The following PDE4D variants were observed in gnomAD, a reference collection of about 807,000 sequenced individuals.
PDE4D encodes phosphodiesterase 4D.
PDE4D carries 24 observed loss-of-function variants against 87.4 expected under a neutral mutation model. The ratio of observed to expected loss-of-function variants is 0.27; its 90% CI spans 0.20 to 0.39. The LOEUF (loss-of-function observed/expected upper bound fraction) is 0.39, where lower values mean the gene tolerates loss of function less well. PDE4D is among the 10% of genes least tolerant of loss of function. The probability of loss-of-function intolerance (pLI) is 1.00; values close to 1 mark genes in which losing one functional copy is unlikely to be tolerated. For missense variants in PDE4D, 714 were observed against 1,041.0 expected (o/e 0.69, Z 4.32); for synonymous variants, 384 against 383.2 (o/e 1.00, Z -0.02).
At chr5:60,118,728 C>T (rs1438257313) in intron 2 of PDE4D, among the ~76,000 whole-genome samples, 1 of 152,004 alleles carries the variant, frequency 6.6e-6, no homozygotes, top group East Asian at 1.9e-4. Context: ...ACATCAATTC[C>T]ACAGCCACTA....
At position 59,185,170 on chromosome 5, in the gene PDE4D, G is replaced by C. The variant is rs535410663; in HGVS notation, c.758+19C>G. Reference sequence around the variant, plus strand: ...TTAAAAGTTCAGCAAAAAAGAGGGGGGAAAAAAGGATATCTTACTTGCTAG... The same window carrying C: ...TTAAAAGTTCAGCAAAAAAGAGGGGCGAAAAAAGGATATCTTACTTGCTAG... On this transcript the variant is annotated intron_variant, in intron 4 of 14. Transcript: ENST00000340635. 1.3e-6 allele frequency: 2 copies of C among 1,593,228 alleles called. No individual in the cohort carries two copies. The highest frequency in any genetic ancestry group is 1.7e-5 in the Admixed American group (1 of 58,744).
chr5:60,029,906 A>T (rs1353667894), intron 2 of PDE4D, among the ~76,000 whole-genome samples: 1 of 152,136 alleles, frequency 6.6e-6, no homozygotes, highest in Non-Finnish European at 1.5e-5. Flanking sequence ...CCCCATCCTC[A>T]GAGACGGGGG....
intron 1 of PDE4D, among the ~76,000 whole-genome samples, chr5:59,861,067 C>T (rs112697505): frequency 1.2e-4 from 17 of 146,400 alleles, no homozygotes; most frequent in African/African-American, 3.5e-4. Flanking sequence ...GATGGAGTTT[C>T]GCCATGTTGG....
At chr5:59,308,167 CACA>C (rs961017910) in intron 1 of PDE4D, among the ~76,000 whole-genome samples, 1 of 143,836 alleles carries the variant, frequency 7.0e-6, no homozygotes, top group African/African-American at 2.6e-5. Flanking sequence ...ACAATGAGAA[CACA>C]TGGACACAGG....
intron 2 of PDE4D, among the ~76,000 whole-genome samples, chr5:60,022,997 CATTAAT>C (rs1284134594): frequency 6.6e-6 from 1 of 152,160 alleles, no homozygotes; most frequent in African/African-American, 2.4e-5. Flanking sequence ...CAGCTCGGGA[CATTAAT>C]GCTCCATTGA....
rs1746576895 is a variant in PDE4D at position 59,668,827 on chromosome 5, A to AGAAGAAGAAGAAGAAGAAGAAGAAGAG, written c.455+224340_455+224341insCTCTTCTTCTTCTTCTTCTTCTTCTTC. Among the ~76,000 whole-genome samples the AGAAGAAGAAGAAGAAGAAGAAGAAGAG allele has an allele frequency of 3.9e-5, 3 of 76,900 alleles. 1 individual carries two copies. The highest frequency in any genetic ancestry group is 1.8e-4 in the African/African-American group (3 of 17,052). The allele number at this position is 76,900 out of a possible 152,430, so 50.4% of individuals were successfully genotyped here. A position where few individuals can be genotyped will look rare whatever the true frequency, so the allele number is the denominator to read the frequency against. On this transcript the variant is annotated intron_variant, in intron 1 of 14. Coordinates refer to ENST00000340635, the MANE Select transcript of PDE4D (RefSeq NM_001104631.2). ...AGAAAGAAGAAGAAGAAGAAGAAGAAGAAGAGGAAGAGGAAGAGGAAGAAG... is the reference window on the plus strand; with the variant it reads ...AGAAAGAAGAAGAAGAAGAAGAAGAAGAAGAAGAAGAAGAAGAAGAAGAAGAGGAAGAGGAAGAGGAAGAGGAAGAAG...
At position 59,592,263 on chromosome 5, in the gene PDE4D, GC is replaced by G. The variant is rs1231016714; in HGVS notation, c.455+300904del. 2.5e-5 allele frequency: 10 copies of G among 396,106 alleles called. No individual in the cohort carries two copies. In the South Asian group the frequency reaches 4.2e-4, roughly 17 times the overall value. 24.5% of individuals were successfully genotyped at this position (396,106 alleles called of 1,614,324 possible). A position where few individuals can be genotyped will look rare whatever the true frequency, so the allele number is the denominator to read the frequency against. On this transcript the variant is annotated intron_variant, in intron 1 of 14. Coordinates refer to ENST00000340635, the MANE Select transcript of PDE4D (RefSeq NM_001104631.2). Reference sequence around the variant, plus strand: ...TGATAGTCATGACTTTCCACTCCTGGCAAGTTCTAGCAAAGTCTGAAGGCAT... The same window carrying G: ...TGATAGTCATGACTTTCCACTCCTGGAAGTTCTAGCAAAGTCTGAAGGCAT...
intron 1 of PDE4D, among the ~76,000 whole-genome samples, chr5:60,251,871 C>G (rs1394038152): frequency 6.6e-6 from 1 of 151,942 alleles, no homozygotes; most frequent in African/African-American, 2.4e-5. Context: ...CACTCACTCA[C>G]TCAGAGCAGC....
At chr5:59,528,603 GTCTC>G (rs1196375533) in intron 1 of PDE4D, among the ~76,000 whole-genome samples, 2 of 151,914 alleles carry the variant, frequency 1.3e-5, no homozygotes, top group East Asian at 3.9e-4. Flanking sequence ...AAAAAAAAAA[GTCTC>G]TATGATGTTC....
At chr5:59,553,596 T>C (rs1818453590) in intron 1 of PDE4D, among the ~76,000 whole-genome samples, 1 of 152,184 alleles carries the variant, frequency 6.6e-6, no homozygotes, top group Non-Finnish European at 1.5e-5. Context: ...TGTCTCTAGA[T>C]ATAGGGAGTT....
At chr5:60,474,508 T>C (rs1748156727) in intron 1 of PDE4D, among the ~76,000 whole-genome samples, 1 of 152,086 alleles carries the variant, frequency 6.6e-6, no homozygotes, top group South Asian at 2.1e-4. Flanking sequence ...GAAATTTCAT[T>C]GATGTGTCCT....
At chr5:60,076,674 A>G (rs1164046876) in intron 2 of PDE4D, among the ~76,000 whole-genome samples, 1 of 33,984 alleles carries the variant, frequency 2.9e-5, no homozygotes, top group Non-Finnish European at 5.2e-5. Flanking sequence ...CTGGCTCCTC[A>G]AGGTTAGGAA....
intron 1 of PDE4D, among the ~76,000 whole-genome samples, chr5:59,388,002 T>C (rs1175612265): frequency 2.6e-5 from 4 of 152,100 alleles, no homozygotes; most frequent in Non-Finnish European, 5.9e-5. Flanking sequence ...TTCTATGAGT[T>C]TGACATTTTT....
rs181318753 is a variant in PDE4D at position 59,836,427 on chromosome 5, G to A, written c.455+56741C>T. On this transcript the variant is annotated intron_variant, in intron 1 of 14. Transcript: ENST00000340635. ...CTTGGTGCTAAGAAATAAATACAAAGAGATATCAAAAATAATCTCTTCTAC... is the reference window on the plus strand; with the variant it reads ...CTTGGTGCTAAGAAATAAATACAAAAAGATATCAAAAATAATCTCTTCTAC... Among the ~76,000 whole-genome samples the A allele has an allele frequency of 3.9e-4, 59 of 152,092 alleles. 1 individual carries two copies. Among genetic ancestry groups the A allele is most frequent in the South Asian group, 8.3e-4 (4 of 4,826 alleles).
intron 1 of PDE4D, among the ~76,000 whole-genome samples, chr5:59,516,629 A>G (rs559352288): frequency 6.6e-6 from 1 of 152,276 alleles, no homozygotes; most frequent in South Asian, 2.1e-4. Flanking sequence ...GTTGTGATCA[A>G]GAGAAATTGC....
At chr5:60,124,288 A>G (rs1463414521) in intron 2 of PDE4D, among the ~76,000 whole-genome samples, 1 of 152,126 alleles carries the variant, frequency 6.6e-6, no homozygotes, top group African/African-American at 2.4e-5. Context: ...AGTACTCAGA[A>G]CTTCCTCAGA....
intron 1 of PDE4D, among the ~76,000 whole-genome samples, chr5:59,222,038 T>C (rs1375540267): frequency 1.3e-5 from 2 of 152,188 alleles, no homozygotes; most frequent in African/African-American, 4.8e-5. Flanking sequence ...TGGCTAGCAC[T>C]ACTCATGACC....
intron 3 of PDE4D, among the ~76,000 whole-genome samples, chr5:59,941,225 G>A (rs1316208276): frequency 6.6e-6 from 1 of 152,116 alleles, no homozygotes; most frequent in African/African-American, 2.4e-5. Context: ...CAGCCCAGCC[G>A]GCATGAGAGT....
chr5:59,128,000 C>T (rs1775713747), intron 5 of PDE4D, among the ~76,000 whole-genome samples: 1 of 143,094 alleles, frequency 7.0e-6, no homozygotes, highest in African/African-American at 2.6e-5. Flanking sequence ...TCCTCCGTGT[C>T]TGAGCTTTCA....
Sources: gnomAD v4.1 joint callset for allele counts (sites outside exome capture counted in the v4.1 genomes callset) on GRCh38, gnomAD v4.1.1 for gene constraint, MANE v1.5 for transcripts, NCBI Gene and HGNC (gene_info 2026-07-23, HGNC 2026-07-21) for gene names.